AGAP1: variants seen among roughly 807,000 people sequenced by gnomAD.
The protein encoded by AGAP1 is arf-GAP with GTPase, ANK repeat and PH domain-containing protein 1.
A neutral mutation model predicts 105.3 loss-of-function variants in AGAP1; 29 were observed. The observed-to-expected ratio is 0.28, with a 90% CI of 0.21 to 0.38. The LOEUF (loss-of-function observed/expected upper bound fraction) is 0.38, where lower values mean the gene tolerates loss of function less well. Ranked by LOEUF, AGAP1 falls within the 10% of genes least tolerant of loss-of-function variation. The pLI, the probability that AGAP1 is intolerant of heterozygous loss-of-function variation, is 1.00. For missense variants in AGAP1, 998 were observed against 1,165.1 expected, an observed-to-expected ratio of 0.86 and a Z score of 2.09; for synonymous variants, 509 against 485.9, an observed-to-expected ratio of 1.05 and a Z score of -0.63.
At chr2:236,088,837 C>T (rs148939312) in intron 16 of AGAP1, among the ~76,000 whole-genome samples, 2 of 152,320 alleles carry the variant, frequency 1.3e-5, no homozygotes, top group African/African-American at 4.8e-5. Flanking sequence ...CAGAACCTAT[C>T]ACGGTGCACT....
chr2:235,671,527 C>G (rs1948429020), intron 1 of AGAP1, among the ~76,000 whole-genome samples: 1 of 152,244 alleles, frequency 6.6e-6, no homozygotes. Flanking sequence ...GTTAGTGCTA[C>G]CATCTGTCAG....
chr2:235,985,638 A>G (rs1439614933), intron 13 of AGAP1, among the ~76,000 whole-genome samples: 1 of 152,226 alleles, frequency 6.6e-6, no homozygotes, highest in Non-Finnish European at 1.5e-5. Flanking sequence ...GGTGTAAGGA[A>G]GGGGTCCAGT....
chr2:235,560,158 A>G (rs1944100376), intron 1 of AGAP1, among the ~76,000 whole-genome samples: 1 of 152,180 alleles, frequency 6.6e-6, no homozygotes, highest in Admixed American at 6.5e-5. Flanking sequence ...TACTTTTTGT[A>G]TATGGTGTAA....
At chr2:235,859,733 T>G (rs1261938675) in intron 9 of AGAP1, among the ~76,000 whole-genome samples, 4 of 152,192 alleles carry the variant, frequency 2.6e-5, no homozygotes, top group Non-Finnish European at 5.9e-5. Context: ...AATCGAGCTT[T>G]GCTGAATAAG....
chr2:235,606,164 C>T (rs192226612), intron 1 of AGAP1, among the ~76,000 whole-genome samples: 2 of 152,340 alleles, frequency 1.3e-5, no homozygotes, highest in African/African-American at 2.4e-5. Context: ...AAGGCATCTG[C>T]TCTGGCCAGT....
At chr2:235,694,037 G>A (rs186430042) in intron 1 of AGAP1, among the ~76,000 whole-genome samples, 197 of 152,290 alleles carry the variant, frequency 1.3e-3, no homozygotes, top group African/African-American at 4.7e-3. Context: ...GTGATTCAAA[G>A]CATGAGGAAT....
chr2:236,054,542 C>A lies in AGAP1; in HGVS notation c.2114+5261C>A, dbSNP rs138892357. ...GAAAAAAAATAAAAAAAGGACTTTG[C>A]CGCGATGACCAGAGTCCATCTGCAG... is the stretch of plus-strand genomic sequence containing the variant. On this transcript the variant is annotated intron_variant, in intron 16 of 17. Transcript: ENST00000304032. Among the ~76,000 whole-genome samples, 1,100 of 151,580 alleles carry A rather than the reference C, an allele frequency of 7.3e-3. 11 individuals are homozygous for A. Among genetic ancestry groups the A allele is most frequent in the African/African-American group, 0.025 (1,012 of 41,286 alleles).
rs2149445201 is a variant in AGAP1, at chr2:235,692,416, G to A, written c.164-16763G>A. Among the ~76,000 whole-genome samples, 1 of 152,272 alleles carries A rather than the reference G, an allele frequency of 6.6e-6. No homozygotes were observed. Among genetic ancestry groups the A allele is most frequent in the Admixed American group, 6.5e-5 (1 of 15,290 alleles). On this transcript the variant is annotated intron_variant, in intron 1 of 17. Transcript: ENST00000304032. The surrounding 1 kb of genome is among the most constrained non-coding windows in gnomAD (Gnocchi z 5.8). ...CGAGCCTAATCTGGCTTAGGAAACA[G>A]GAGGGGCACCAGCTAGAAAATGTGA...
intron 11 of AGAP1, among the ~76,000 whole-genome samples, chr2:235,918,694 A>G (rs1169156465): frequency 6.6e-6 from 1 of 151,880 alleles, no homozygotes; most frequent in African/African-American, 2.4e-5. Flanking sequence ...CATTAGGTAT[A>G]TATTCCTGCA....
intron 1 of AGAP1, among the ~76,000 whole-genome samples, chr2:235,554,085 G>A (rs1943898113): frequency 6.6e-6 from 1 of 152,220 alleles, no homozygotes; most frequent in African/African-American, 2.4e-5. Flanking sequence ...GGGCTCTGGG[G>A]AAAGTGATCT....
intron 11 of AGAP1, among the ~76,000 whole-genome samples, chr2:235,915,124 G>GC (rs1444232652): frequency 6.6e-6 from 1 of 152,134 alleles, no homozygotes; most frequent in African/African-American, 2.4e-5. Context: ...CCTGCTCAGA[G>GC]CCCACAACCA....
rs534079226 is a variant in AGAP1 at position 235,908,153 on chromosome 2, C to G, written c.1156-585C>G. 6.6e-6 allele frequency among the ~76,000 whole-genome samples: 1 copy of G among 152,110 alleles called. No individual in the cohort carries two copies. Among genetic ancestry groups the G allele is most frequent in the Non-Finnish European group, 1.5e-5 (1 of 68,032 alleles). On this transcript the variant is annotated intron_variant, in intron 10 of 17. Transcript: ENST00000304032. This position sits in a 1 kb window ranked among gnomAD's most constrained non-coding sequence, Gnocchi z 4.4. ...CTGCCAGAGAGCAGTCACTGTCCACCGAGGCTTCCCTGTAGTTCTCTGATT... is the reference window on the plus strand; with the variant it reads ...CTGCCAGAGAGCAGTCACTGTCCACGGAGGCTTCCCTGTAGTTCTCTGATT...
intron 9 of AGAP1, among the ~76,000 whole-genome samples, chr2:235,818,663 G>A (rs555572492): frequency 6.4e-4 from 98 of 152,060 alleles, no homozygotes; most frequent in Admixed American, 2.8e-3. Context: ...GGCTGGTCTC[G>A]AACTCCTGAC....
chr2:235,969,443 G>A (rs917510574), intron 13 of AGAP1, among the ~76,000 whole-genome samples: 4 of 152,164 alleles, frequency 2.6e-5, no homozygotes, highest in Non-Finnish European at 5.9e-5. Flanking sequence ...CTGTGAGACC[G>A]ACAATGGTGA....
In AGAP1 at chr2:235,609,698, G is replaced by A. The variant is rs1946063889; in HGVS notation, c.164-99481G>A. ...AAACGTCCCTGGTTCTGTACCGGAG[G>A]AACAGGAGCTCTGGAGGTCTTCTGT... On this transcript the variant is annotated intron_variant, in intron 1 of 17. Transcript: ENST00000304032. This position sits in a 1 kb window ranked among gnomAD's most constrained non-coding sequence, Gnocchi z 5.1. Among the ~76,000 whole-genome samples the A allele has an allele frequency of 6.6e-6, 1 of 152,098 alleles. No individual in the cohort carries two copies. The highest frequency in any genetic ancestry group is 1.5e-5 in the Non-Finnish European group (1 of 68,026).
Position 235,967,807 on chromosome 2 carries a change from T to C in AGAP1, c.1484-655T>C, listed in dbSNP as rs796854575. ...CATAATACATTGAGAGTTTCACTTA[T>C]AGTGAATAATCACGTGTGCACTGGT... On this transcript the variant is annotated intron_variant, in intron 12 of 17. Coordinates refer to ENST00000304032, the MANE Select transcript of AGAP1 (RefSeq NM_001037131.3). The surrounding 1 kb of genome is among the most constrained non-coding windows in gnomAD (Gnocchi z 4.7). Among the ~76,000 whole-genome samples, 4 of 152,222 alleles carry C rather than the reference T, an allele frequency of 2.6e-5. No homozygotes were observed. Among genetic ancestry groups the C allele is most frequent in the Admixed American group, 6.5e-5 (1 of 15,282 alleles).
rs780627042 is a variant in AGAP1, at chr2:235,635,327, G to T, written c.164-73852G>T. 5.3e-5 allele frequency among the ~76,000 whole-genome samples: 8 copies of T among 152,124 alleles called. No individual in the cohort carries two copies. The highest frequency in any genetic ancestry group is 1.0e-4 in the Non-Finnish European group (7 of 68,038). The stretch of plus-strand genomic sequence containing the variant: ...TGAAGCACTCCCGTGAGTGAGCTGC[G>T]CACAGTCTCCTTGTACAAGCAGGAC... On this transcript the variant is annotated intron_variant, in intron 1 of 17. Transcript: ENST00000304032. The surrounding 1 kb of genome is among the most constrained non-coding windows in gnomAD (Gnocchi z 5.3).
intron 9 of AGAP1, among the ~76,000 whole-genome samples, chr2:235,816,410 C>T (rs1448499066): frequency 2.2e-5 from 3 of 139,040 alleles, no homozygotes; most frequent in Non-Finnish European, 4.6e-5. Flanking sequence ...TGCACTCCAG[C>T]CTGGGTGGCA....
chr2:235,765,948 C>T (rs1410622028), intron 6 of AGAP1, among the ~76,000 whole-genome samples: 1 of 152,172 alleles, frequency 6.6e-6, no homozygotes, highest in African/African-American at 2.4e-5. Flanking sequence ...ACAGAGACCC[C>T]ACCTAGCTCG....
Sources: gnomAD v4.1 joint callset for allele counts (sites outside exome capture counted in the v4.1 genomes callset) on GRCh38, gnomAD v4.1.1 for gene constraint, Gnocchi (gnomAD v3.1) non-coding constraint, MANE v1.5 for transcripts, NCBI Gene and HGNC (gene_info 2026-07-23, HGNC 2026-07-21) for gene names.